CACNB2: variants seen among roughly 807,000 people sequenced by gnomAD.
CACNB2 encodes calcium voltage-gated channel auxiliary subunit beta 2.
CACNB2 carries 42 observed loss-of-function variants against 73.3 expected under a neutral mutation model. That is an observed-to-expected ratio of 0.57 (90% confidence interval 0.45 to 0.74). The LOEUF (loss-of-function observed/expected upper bound fraction) is 0.74. Among genes scored for constraint, CACNB2 ranks in the 30% least tolerant of loss-of-function variants. The probability of loss-of-function intolerance (pLI) is 0.00; values close to 1 mark genes in which losing one functional copy is unlikely to be tolerated. For missense variants in CACNB2, 940 were observed against 853.0 expected, an observed-to-expected ratio of 1.10 and a Z score of -1.27; for synonymous variants, 348 against 310.3, an observed-to-expected ratio of 1.12 and a Z score of -1.28.
chr10:18,206,281 C>G, intron 2 of CACNB2: 1 of 152,370 alleles, frequency 6.6e-6, no homozygotes, highest in Non-Finnish European at 1.5e-5. Flanking sequence ...GCGTGAGCCA[C>G]TGCGCATGGC....
At chr10:18,270,543 C>T (rs1221785231) in intron 2 of CACNB2, among the ~76,000 whole-genome samples, 2 of 152,160 alleles carry the variant, frequency 1.3e-5, no homozygotes, top group Non-Finnish European at 2.9e-5. Flanking sequence ...GCAATCTGAG[C>T]AATGTTGCTA....
chr10:18,413,478 G>A (rs987082730), intron 3 of CACNB2, among the ~76,000 whole-genome samples: 1 of 152,040 alleles, frequency 6.6e-6, no homozygotes, highest in Non-Finnish European at 1.5e-5. Flanking sequence ...GATCTCTGTC[G>A]GTTCTGCCAC....
intron 2 of CACNB2, among the ~76,000 whole-genome samples, chr10:18,366,819 T>C (rs775360820): frequency 4.3e-4 from 66 of 152,340 alleles, no homozygotes; most frequent in Middle Eastern, 3.4e-3. Context: ...TTTGGCTGTT[T>C]ATGGAATTTT....
At chr10:18,173,159 A>G (rs2033365955) in intron 2 of CACNB2, among the ~76,000 whole-genome samples, 1 of 152,102 alleles carries the variant, frequency 6.6e-6, no homozygotes, top group Admixed American at 6.5e-5. Flanking sequence ...ATTTCAAGAG[A>G]TCCACCTGCC....
intron 2 of CACNB2, among the ~76,000 whole-genome samples, chr10:18,340,366 A>T (rs950349229): frequency 3.3e-5 from 5 of 152,242 alleles, no homozygotes; most frequent in African/African-American, 9.6e-5. Flanking sequence ...GAAAAAAGAA[A>T]GATATCACTT....
intron 3 of CACNB2, among the ~76,000 whole-genome samples, chr10:18,491,064 C>A (rs375967393): frequency 4.2e-4 from 64 of 152,318 alleles, no homozygotes; most frequent in African/African-American, 1.4e-3. Context: ...TCCCGTGAAA[C>A]CTCTGGAACA....
Position 18,506,903 on chromosome 10 carries a change from A to T in CACNB2, c.670+356A>T, listed in dbSNP as rs374941021. On this transcript the variant is annotated intron_variant, in intron 6 of 13. Transcript: ENST00000324631. The stretch of plus-strand genomic sequence containing the variant: ...CGCCTCTGCCTCCAGGGCTCAAGTG[A>T]TCCCCCCACCTCCGCTTCCCAAGTA... Among the ~76,000 whole-genome samples the T allele has an allele frequency of 6.6e-5, 10 of 152,282 alleles. No homozygotes were observed. In the South Asian group the frequency reaches 1.9e-3, roughly 28 times the overall value.
At chr10:18,234,777 C>T (rs78053801) in intron 2 of CACNB2, among the ~76,000 whole-genome samples, 2 of 152,072 alleles carry the variant, frequency 1.3e-5, no homozygotes, top group African/African-American at 4.8e-5. Flanking sequence ...GCTGAAAAGT[C>T]CTGGAGATGG....
At chr10:18,514,397 T>C in intron 7 of CACNB2, 28 bp downstream of exon 7, 2 of 1,614,084 alleles carry the variant, frequency 1.2e-6, no homozygotes, top group Non-Finnish European at 1.7e-6. Flanking sequence ...GCTCCCATTG[T>C]CCACCTGCTC....
At chr10:18,528,020 T>G (rs746774867) in intron 10 of CACNB2, among the ~76,000 whole-genome samples, 1 of 152,222 alleles carries the variant, frequency 6.6e-6, no homozygotes, top group Non-Finnish European at 1.5e-5. Context: ...ATTAACCTTT[T>G]GAAGCCTCCA....
intron 10 of CACNB2, chr10:18,532,971 G>GT (rs1487349351): frequency 2.0e-5 from 3 of 151,412 alleles, no homozygotes; most frequent in Non-Finnish European, 4.4e-5. Flanking sequence ...AGATATCTAG[G>GT]TAAAAAAAAA....
At chr10:18,261,603 T>C (rs892255220) in intron 2 of CACNB2, among the ~76,000 whole-genome samples, 1 of 152,236 alleles carries the variant, frequency 6.6e-6, no homozygotes, top group Non-Finnish European at 1.5e-5. Flanking sequence ...CTCAGAGATC[T>C]GCCTCATTCA....
At chr10:18,429,934 G>A (rs947886543) in intron 3 of CACNB2, among the ~76,000 whole-genome samples, 6 of 151,994 alleles carry the variant, frequency 3.9e-5, no homozygotes, top group Admixed American at 1.3e-4. Flanking sequence ...AGCTGTGATC[G>A]CGCCACTGCA....
At chr10:18,168,168 C>T (rs1396065631) in intron 2 of CACNB2, among the ~76,000 whole-genome samples, 1 of 152,188 alleles carries the variant, frequency 6.6e-6, no homozygotes, top group Non-Finnish European at 1.5e-5. Context: ...TGCCTGTAAT[C>T]ATAGCAACTT....
intron 2 of CACNB2, among the ~76,000 whole-genome samples, chr10:18,278,652 A>C (rs1231992855): frequency 6.6e-6 from 1 of 152,204 alleles, no homozygotes; most frequent in Non-Finnish European, 1.5e-5. Flanking sequence ...GAAAACGGCT[A>C]AGTCAGAAAA....
chr10:18,415,210 A>G (rs536103061), intron 3 of CACNB2, among the ~76,000 whole-genome samples: 4 of 152,148 alleles, frequency 2.6e-5, no homozygotes, highest in Non-Finnish European at 5.9e-5. Context: ...CATGCCTGTA[A>G]TCTCAGCACT....
At chr10:18,152,709 C>CAAAAAAAAAAAAAAAAAAAAAAAAAA (rs772732675) in intron 2 of CACNB2, among the ~76,000 whole-genome samples, 5 of 49,362 alleles carry the variant, frequency 1.0e-4, no homozygotes, top group African/African-American at 7.6e-5. Flanking sequence ...TGAAACAGAC[C>CAAAAAAAAAAAAAAAAAAAAAAAAAA]AAAAAAAAAA....
chr10:18,302,891 G>A lies in CACNB2; in HGVS notation c.214-99033G>A, dbSNP rs2039583118. Among the ~76,000 whole-genome samples the A allele has an allele frequency of 2.0e-5, 3 of 152,196 alleles. No homozygotes were observed. In the South Asian group the frequency reaches 6.2e-4, roughly 32 times the overall value. ...AAATAAAACTAAAATGCAAATGACA[G>A]GTGTGCAGTAGACTTTTCTAGACTT... On this transcript the variant is annotated intron_variant, in intron 2 of 13. Coordinates refer to ENST00000324631, the MANE Select transcript of CACNB2 (RefSeq NM_201596.3).
At chr10:18,502,705 A>C (rs1474791608) in intron 5 of CACNB2, among the ~76,000 whole-genome samples, 20 of 131,254 alleles carry the variant, frequency 1.5e-4, no homozygotes, top group South Asian at 4.4e-4. Flanking sequence ...AAAAAAAAAA[A>C]AAAAAAAAAA....
Sources: allele counts gnomAD v4.1 joint callset (sites outside exome capture counted in the v4.1 genomes callset), GRCh38; gene constraint gnomAD v4.1.1; transcripts MANE v1.5; gene names NCBI Gene and HGNC (gene_info 2026-07-23, HGNC 2026-07-21).